KIAA1328: variants seen among roughly 807,000 people sequenced by gnomAD.
KIAA1328 encodes the protein KIAA1328, also known as protein hinderin.
In KIAA1328, 52 loss-of-function variants were observed where a neutral mutation model predicts 68.1. That is an observed-to-expected ratio of 0.76 (90% CI 0.61 to 0.96). The LOEUF is 0.96. Ranked by LOEUF, KIAA1328 falls within the 40% of genes least tolerant of loss-of-function variation. The pLI is 0.00. For missense variants in KIAA1328, 641 were observed against 677.6 expected (o/e 0.95, Z 0.60); for synonymous variants, 232 against 239.4 (o/e 0.97, Z 0.28).
At chr18:36,977,788 A>AT (rs1462683149) in intron 6 of KIAA1328, among the ~76,000 whole-genome samples, 1 of 151,688 alleles carries the variant, frequency 6.6e-6, no homozygotes, top group African/African-American at 2.4e-5. Flanking sequence ...ATTTTATTTT[A>AT]TTTTTTATTT....
chr18:37,184,743 T>G (rs1327418962), intron 9 of KIAA1328, among the ~76,000 whole-genome samples: 1 of 152,228 alleles, frequency 6.6e-6, no homozygotes, highest in Non-Finnish European at 1.5e-5. Flanking sequence ...ACACAAAAAC[T>G]GGTACATCTG....
At chr18:36,914,448 G>C (rs921048076) in intron 5 of KIAA1328, among the ~76,000 whole-genome samples, 1 of 152,164 alleles carries the variant, frequency 6.6e-6, no homozygotes, top group Non-Finnish European at 1.5e-5. Context: ...AGGGCCGGGC[G>C]TGGTGGCTCA....
intron 7 of KIAA1328, among the ~76,000 whole-genome samples, chr18:37,142,602 TACAC>T (rs142803247): frequency 1.0e-4 from 15 of 150,212 alleles, no homozygotes; most frequent in African/African-American, 3.2e-4. Context: ...GTTGAATGTG[TACAC>T]ACACACACAC....
chr18:36,926,551 G>A (rs1306825842), intron 5 of KIAA1328, among the ~76,000 whole-genome samples: 1 of 152,108 alleles, frequency 6.6e-6, no homozygotes, highest in Non-Finnish European at 1.5e-5. Flanking sequence ...TTTCTCCACT[G>A]TAGTGTTATT....
chr18:37,138,743 T>C (rs1261227532), intron 7 of KIAA1328, among the ~76,000 whole-genome samples: 1 of 152,176 alleles, frequency 6.6e-6, no homozygotes, highest in Non-Finnish European at 1.5e-5. Flanking sequence ...TTTAGTTGCC[T>C]ATTTCTTCCT....
chr18:36,867,187 C>G (rs189817234), intron 4 of KIAA1328, among the ~76,000 whole-genome samples: 1 of 152,242 alleles, frequency 6.6e-6, no homozygotes, highest in African/African-American at 2.4e-5. Context: ...CCTCTTTGTG[C>G]TATTCTTGTG....
intron 5 of KIAA1328, among the ~76,000 whole-genome samples, chr18:36,943,784 TA>T (rs1421426488): frequency 6.6e-6 from 1 of 152,218 alleles, no homozygotes; most frequent in Non-Finnish European, 1.5e-5. Context: ...ATATATAGGT[TA>T]TCCTAACTTA....
intron 7 of KIAA1328, among the ~76,000 whole-genome samples, chr18:37,076,186 A>G (rs1455489412): frequency 6.6e-6 from 1 of 152,222 alleles, no homozygotes; most frequent in Non-Finnish European, 1.5e-5. Context: ...AACTCACTCA[A>G]AACCACTCAA....
chr18:37,208,803 A>C (rs1441212243), intron 9 of KIAA1328, among the ~76,000 whole-genome samples: 1 of 152,220 alleles, frequency 6.6e-6, no homozygotes, highest in African/African-American at 2.4e-5. Context: ...AGCAGTGTAT[A>C]TTGTGAAGCA....
intron 7 of KIAA1328, among the ~76,000 whole-genome samples, chr18:37,119,697 T>C (rs2058216944): frequency 6.6e-6 from 1 of 152,120 alleles, no homozygotes; most frequent in Non-Finnish European, 1.5e-5. Flanking sequence ...GAGCCCACAA[T>C]TTAGTCCATA....
chr18:37,173,240 A>G (rs2154213928), intron 9 of KIAA1328, among the ~76,000 whole-genome samples, 159 bp downstream of exon 9: 1 of 152,350 alleles, frequency 6.6e-6, no homozygotes, highest in East Asian at 1.9e-4. Context: ...AGTTTGAACC[A>G]CATGGAGTCC....
chr18:36,842,867 T>C (rs2046906567), intron 3 of KIAA1328, among the ~76,000 whole-genome samples: 1 of 152,126 alleles, frequency 6.6e-6, no homozygotes, highest in Non-Finnish European at 1.5e-5. Context: ...ACTTTTTCTT[T>C]CTTGTTTTCT....
At chr18:37,216,979 G>GTTTTTTTTTT (rs1480974787) in intron 9 of KIAA1328, among the ~76,000 whole-genome samples, 1 of 71,062 alleles carries the variant, frequency 1.4e-5, no homozygotes, top group African/African-American at 5.6e-5. Context: ...CTTTTTTTTT[G>GTTTTTTTTTT]TTTTTTTTTT....
intron 7 of KIAA1328, among the ~76,000 whole-genome samples, chr18:37,158,300 A>C (rs759784794): frequency 1.3e-5 from 2 of 152,126 alleles, no homozygotes. Context: ...AGAACTGTTG[A>C]AAGAGGGATG....
In KIAA1328 at chr18:37,144,228, A is replaced by G. The variant is rs114149793; in HGVS notation, c.1233-15972A>G. Among the ~76,000 whole-genome samples, 1,031 of 152,212 alleles carry G rather than the reference A, an allele frequency of 6.8e-3. 16 individuals carry two copies. The highest frequency in any genetic ancestry group is 0.023 in the African/African-American group (955 of 41,542). Reference sequence around the variant, plus strand: ...TTGTTCATGATATAACCTTAATGTCATTTTACTGTCTGTAGGCTCTATAGT... The same window carrying G: ...TTGTTCATGATATAACCTTAATGTCGTTTTACTGTCTGTAGGCTCTATAGT... On this transcript the variant is annotated intron_variant, in intron 7 of 9. Transcript: ENST00000280020.
chr18:37,077,847 G>T (rs1222746444), intron 7 of KIAA1328, among the ~76,000 whole-genome samples: 1 of 151,716 alleles, frequency 6.6e-6, no homozygotes, highest in Non-Finnish European at 1.5e-5. Context: ...AGAAATGGAA[G>T]AACATTCCAT....
chr18:37,070,263 C>T (rs898589718), intron 7 of KIAA1328, among the ~76,000 whole-genome samples: 2 of 152,008 alleles, frequency 1.3e-5, no homozygotes, highest in Non-Finnish European at 2.9e-5. Flanking sequence ...ATATATGTTC[C>T]ATGATGTTTG....
At chr18:36,944,959 G>A (rs925194575) in intron 5 of KIAA1328, among the ~76,000 whole-genome samples, 1 of 152,162 alleles carries the variant, frequency 6.6e-6, no homozygotes, top group Non-Finnish European at 1.5e-5. Flanking sequence ...GAGAACTTTG[G>A]TAATAATGAG....
chr18:37,041,041 C>A (rs2055223877), intron 6 of KIAA1328, among the ~76,000 whole-genome samples: 1 of 151,730 alleles, frequency 6.6e-6, no homozygotes, highest in Non-Finnish European at 1.5e-5. Flanking sequence ...TTGGGTAGAG[C>A]AATCTATAGA....
Sources: gnomAD v4.1 joint callset for allele counts (sites outside exome capture counted in the v4.1 genomes callset) on GRCh38, gnomAD v4.1.1 for gene constraint, MANE v1.5 for transcripts, NCBI Gene and HGNC (gene_info 2026-07-23, HGNC 2026-07-21) for gene names.